The following PCCA variants were observed in gnomAD, a reference collection of about 807,000 sequenced individuals.
PCCA encodes propionyl-CoA carboxylase alpha chain, mitochondrial.
A neutral mutation model predicts 101.3 loss-of-function variants in PCCA; 74 were observed. The observed-to-expected ratio is 0.73, with a 90% CI of 0.61 to 0.89. PCCA has a LOEUF of 0.89. Ranked by LOEUF, PCCA falls within the 40% of genes least tolerant of loss-of-function variation. PCCA has a pLI of 0.00. For synonymous variants in PCCA, 294 were observed against 313.6 expected (o/e 0.94, Z 0.66); for missense variants, 891 against 907.0 (o/e 0.98, Z 0.23).
intron 4 of PCCA, among the ~76,000 whole-genome samples, chr13:100,118,920 G>C (rs1179897287): frequency 1.3e-5 from 2 of 152,052 alleles, no homozygotes; most frequent in Non-Finnish European, 2.9e-5. Context: ...CTGTTGTTAT[G>C]CTAAGTATGA....
intron 21 of PCCA, among the ~76,000 whole-genome samples, chr13:100,505,886 A>G (rs537668792): frequency 1.7e-5 from 2 of 114,798 alleles, no homozygotes; most frequent in Non-Finnish European, 3.5e-5. Context: ...AAAATCCACC[A>G]CTCTTTCATT....
At chr13:100,204,192 C>T (rs1421929565) in intron 6 of PCCA, among the ~76,000 whole-genome samples, 1 of 151,430 alleles carries the variant, frequency 6.6e-6, no homozygotes, top group Non-Finnish European at 1.5e-5. Context: ...TGCAGCGGTG[C>T]AGTCTCGGCT....
intron 4 of PCCA, among the ~76,000 whole-genome samples, chr13:100,136,302 C>A (rs539840497): frequency 2.6e-5 from 4 of 151,052 alleles, no homozygotes; most frequent in South Asian, 2.1e-4. Context: ...TCTCCTGCCT[C>A]AGCATCTCAA....
At chr13:100,174,969 TAATAA>T (rs1440393453) in intron 6 of PCCA, among the ~76,000 whole-genome samples, 1 of 152,172 alleles carries the variant, frequency 6.6e-6, no homozygotes, top group African/African-American at 2.4e-5. Context: ...CTTAAAAAGT[TAATAA>T]ATACTAGATG....
At chr13:100,280,514 AC>A (rs977717141) in intron 12 of PCCA, among the ~76,000 whole-genome samples, 23 of 151,936 alleles carry the variant, frequency 1.5e-4, no homozygotes, top group African/African-American at 4.6e-4. Flanking sequence ...CTACCTGCAC[AC>A]CCACACCACA....
intron 7 of PCCA, among the ~76,000 whole-genome samples, chr13:100,232,329 T>C (rs2060521570): frequency 6.7e-6 from 1 of 149,414 alleles, no homozygotes; most frequent in African/African-American, 2.5e-5. Context: ...TAGCTGTTTA[T>C]GTTTATGTGT....
chr13:100,162,754 T>C (rs1461056873), intron 6 of PCCA, among the ~76,000 whole-genome samples: 1 of 152,210 alleles, frequency 6.6e-6, no homozygotes, highest in Non-Finnish European at 1.5e-5. Context: ...CATAGAGATA[T>C]TGATGCCTTT....
At chr13:100,268,393 CTCAG>C (rs2063085560) in intron 10 of PCCA, among the ~76,000 whole-genome samples, 1 of 152,204 alleles carries the variant, frequency 6.6e-6, no homozygotes, top group African/African-American at 2.4e-5. Flanking sequence ...TTCACTAACA[CTCAG>C]TGTCCTTCAC....
At chr13:100,461,083 T>C (rs1334360296) in intron 21 of PCCA, among the ~76,000 whole-genome samples, 1 of 152,218 alleles carries the variant, frequency 6.6e-6, no homozygotes. Context: ...GCTACTAATA[T>C]GACAGCAAGA....
chr13:100,168,609 C>T (rs998974728), intron 6 of PCCA, among the ~76,000 whole-genome samples: 3 of 152,204 alleles, frequency 2.0e-5, no homozygotes, highest in Non-Finnish European at 4.4e-5. Context: ...TATTCAAGTT[C>T]TACCTAGGTG....
chr13:100,467,198 A>G (rs367584292), intron 21 of PCCA, among the ~76,000 whole-genome samples: 89 of 152,282 alleles, frequency 5.8e-4, no homozygotes, highest in African/African-American at 1.9e-3. Context: ...TCACATGAGC[A>G]TCTGGGTGGT....
intron 4 of PCCA, among the ~76,000 whole-genome samples, chr13:100,140,154 T>G (rs2051692574): frequency 6.6e-6 from 1 of 152,210 alleles, no homozygotes; most frequent in Non-Finnish European, 1.5e-5. Context: ...AGGCCTTCAC[T>G]TTTCAGTCTT....
At chr13:100,224,722 A>G (rs2060048516) in intron 7 of PCCA, among the ~76,000 whole-genome samples, 2 of 152,204 alleles carry the variant, frequency 1.3e-5, no homozygotes, top group African/African-American at 4.8e-5. Context: ...ATCATTGCAG[A>G]TTTTCCAATG....
At position 100,515,503 on chromosome 13, in the gene PCCA, G is replaced by A. The variant is rs764651081; in HGVS notation, c.1976G>A (p.Ser659Asn). ...CTGGAAAAAGTGACTGAGGACACAA[G>A]CAGTGTTCTGCGTTCCCCGATGCCC... Reference protein sequence around the residue: ...FMLEKVTEDTSSVLRSPMPGV... With the variant: ...FMLEKVTEDTNSVLRSPMPGV... Residue 659 changes from serine to asparagine, a missense_variant, in exon 22 of 24, where the codon AGC becomes AAC. Transcript: ENST00000376285. 1.5e-5 allele frequency: 24 copies of A among 1,614,022 alleles called. No homozygotes were observed. The South Asian group carries it at 2.6e-4, about 18-fold the overall frequency.
intron 12 of PCCA, among the ~76,000 whole-genome samples, chr13:100,288,756 G>A (rs769362937): frequency 6.6e-6 from 1 of 151,972 alleles, no homozygotes; most frequent in Admixed American, 6.6e-5. Flanking sequence ...TCCTTGTTTG[G>A]TTCTTTCTGT....
intron 21 of PCCA, among the ~76,000 whole-genome samples, chr13:100,496,136 A>G (rs1346382332): frequency 6.6e-6 from 1 of 152,244 alleles, no homozygotes; most frequent in Admixed American, 6.5e-5. Context: ...CAATTAGGAA[A>G]CTGACATTGA....
chr13:100,454,499 C>T (rs1283024675), intron 21 of PCCA, among the ~76,000 whole-genome samples: 2 of 152,164 alleles, frequency 1.3e-5, no homozygotes, highest in Admixed American at 1.3e-4. Flanking sequence ...CAGATTGATT[C>T]CTAGCTAGCA....
chr13:100,477,124 A>G (rs1470056817), intron 21 of PCCA, among the ~76,000 whole-genome samples: 4 of 152,158 alleles, frequency 2.6e-5, no homozygotes, highest in African/African-American at 7.2e-5. Context: ...TTTACTGGCT[A>G]TTTGCTTGGC....
At chr13:100,157,405 T>G in intron 6 of PCCA, 65 bp downstream of exon 6, 1 of 1,072,408 alleles carries the variant, frequency 9.3e-7, no homozygotes, top group South Asian at 1.3e-5. Context: ...TAGCATGGCT[T>G]TGTAAATGTG....
Sources: allele counts gnomAD v4.1 joint callset (sites outside exome capture counted in the v4.1 genomes callset), GRCh38; gene constraint gnomAD v4.1.1; transcripts MANE v1.5; gene names NCBI Gene and HGNC (gene_info 2026-07-23, HGNC 2026-07-21).